The following SRPK2 variants were observed in gnomAD, a reference collection of about 807,000 sequenced individuals.
The protein encoded by SRPK2 is SRSF protein kinase 2.
SRPK2 carries 21 observed loss-of-function variants against 90.8 expected under a neutral mutation model. The ratio of observed to expected loss-of-function variants is 0.23; its 90% CI spans 0.16 to 0.33. The LOEUF is 0.33. SRPK2 is among the 10% of genes least tolerant of loss of function. The pLI is 1.00. For missense variants in SRPK2, 620 were observed against 869.0 expected, an observed-to-expected ratio of 0.71 and a Z score of 3.60; for synonymous variants, 288 against 311.1, an observed-to-expected ratio of 0.93 and a Z score of 0.78.
intron 2 of SRPK2, among the ~76,000 whole-genome samples, chr7:105,254,651 A>C (rs1452123631): frequency 6.6e-6 from 1 of 151,184 alleles, no homozygotes; most frequent in Non-Finnish European, 1.5e-5. Context: ...GTTATCGTTG[A>C]AGTACATCTG....
chr7:105,287,272 A>G (rs1427965021), intron 2 of SRPK2, among the ~76,000 whole-genome samples: 1 of 137,596 alleles, frequency 7.3e-6, no homozygotes. Context: ...AAAAAAAAAA[A>G]AAAAAAAAAA....
chr7:105,328,973 G>A (rs1813945979), intron 2 of SRPK2, among the ~76,000 whole-genome samples: 1 of 152,038 alleles, frequency 6.6e-6, no homozygotes, highest in South Asian at 2.1e-4. Context: ...CTGAGGCCAG[G>A]TGTTCAAGGC....
intron 2 of SRPK2, among the ~76,000 whole-genome samples, chr7:105,294,371 G>A (rs972788520): frequency 6.6e-6 from 1 of 152,070 alleles, no homozygotes; most frequent in Admixed American, 6.6e-5. Context: ...TGTCGATCCA[G>A]TTCCCTAAAC....
At chr7:105,253,774 G>A (rs1802815021) in intron 2 of SRPK2, among the ~76,000 whole-genome samples, 1 of 152,122 alleles carries the variant, frequency 6.6e-6, no homozygotes, top group Non-Finnish European at 1.5e-5. Flanking sequence ...ACAAAATTAA[G>A]TAGTAATTTT....
At chr7:105,380,936 T>G (rs1585986212) in intron 2 of SRPK2, among the ~76,000 whole-genome samples, 1 of 139,500 alleles carries the variant, frequency 7.2e-6, no homozygotes, top group Admixed American at 7.8e-5. Context: ...ACCATATTAC[T>G]TTTATTACTT....
intron 2 of SRPK2, among the ~76,000 whole-genome samples, chr7:105,271,992 A>G (rs1805893975): frequency 6.6e-6 from 1 of 152,242 alleles, no homozygotes; most frequent in African/African-American, 2.4e-5. Context: ...AATATGCTTT[A>G]TAATAGTATT....
chr7:105,129,875 G>A (rs1276960551), intron 13 of SRPK2, among the ~76,000 whole-genome samples: 1 of 152,108 alleles, frequency 6.6e-6, no homozygotes, highest in Non-Finnish European at 1.5e-5. Context: ...GTTCTGTAAT[G>A]TGACCAGTGC....
chr7:105,211,555 G>A (rs554619026), intron 2 of SRPK2, among the ~76,000 whole-genome samples: 39 of 152,212 alleles, frequency 2.6e-4, no homozygotes, highest in African/African-American at 9.4e-4. Flanking sequence ...GCAGTAACAG[G>A]AGTGAGAGTG....
intron 2 of SRPK2, among the ~76,000 whole-genome samples, chr7:105,326,089 T>C (rs894160371): frequency 4.6e-5 from 7 of 152,148 alleles, no homozygotes; most frequent in African/African-American, 1.7e-4. Flanking sequence ...CAGTAAAAAG[T>C]TTAAAAAGTC....
chr7:105,319,666 A>G (rs1812715600), intron 2 of SRPK2, among the ~76,000 whole-genome samples: 1 of 152,116 alleles, frequency 6.6e-6, no homozygotes, highest in African/African-American at 2.4e-5. Context: ...TAACAGGTAG[A>G]CAAGATTGAA....
intron 2 of SRPK2, chr7:105,306,787 G>A: frequency 1.5e-5 from 3 of 200,454 alleles, no homozygotes; most frequent in South Asian, 7.5e-5. Flanking sequence ...AGAATTAAAA[G>A]TAAAACACTA....
At chr7:105,324,003 GT>G (rs1813253434) in intron 2 of SRPK2, among the ~76,000 whole-genome samples, 1 of 134,376 alleles carries the variant, frequency 7.4e-6, no homozygotes, top group South Asian at 2.3e-4. Context: ...GTGTGTGTGT[GT>G]GTGTGTGTGT....
In SRPK2 at chr7:105,284,871, C is replaced by G. The variant is rs531590980; in HGVS notation, c.72-81086G>C. ...CTGGGTCTACTTTATTCCTGTCTTGCTGTTTGTGAGGTTTCCCACATAGGC... is the reference window on the plus strand; with the variant it reads ...CTGGGTCTACTTTATTCCTGTCTTGGTGTTTGTGAGGTTTCCCACATAGGC... On this transcript the variant is annotated intron_variant, in intron 2 of 15. Transcript: ENST00000393651. Among the ~76,000 whole-genome samples the G allele has an allele frequency of 1.2e-4, 19 of 152,338 alleles. 1 individual carries two copies. Among genetic ancestry groups the G allele is most frequent in the African/African-American group, 4.6e-4 (19 of 41,582 alleles).
chr7:105,235,918 G>A (rs1000704483), intron 2 of SRPK2, among the ~76,000 whole-genome samples: 5 of 152,156 alleles, frequency 3.3e-5, no homozygotes, highest in African/African-American at 1.2e-4. Context: ...GGGGAAAGGG[G>A]AATTCATTTA....
intron 1 of SRPK2, among the ~76,000 whole-genome samples, chr7:105,398,540 C>A (rs528909928): frequency 2.0e-5 from 3 of 152,104 alleles, no homozygotes; most frequent in African/African-American, 7.2e-5. Flanking sequence ...TATGCCACCA[C>A]GCCTAGCTAA....
At chr7:105,300,602 T>C (rs1286473146) in intron 2 of SRPK2, among the ~76,000 whole-genome samples, 1 of 152,200 alleles carries the variant, frequency 6.6e-6, no homozygotes, top group African/African-American at 2.4e-5. Context: ...AGAAAATTTT[T>C]GCAATCTACC....
chr7:105,313,245 A>G (rs1267986765), intron 2 of SRPK2, among the ~76,000 whole-genome samples: 2 of 151,642 alleles, frequency 1.3e-5, no homozygotes, highest in African/African-American at 4.8e-5. Flanking sequence ...CAGGAATTTG[A>G]GGCCAGCCAG....
intron 2 of SRPK2, among the ~76,000 whole-genome samples, chr7:105,293,446 C>CT (rs1208236176): frequency 8.1e-6 from 1 of 124,084 alleles, no homozygotes; most frequent in Admixed American, 7.7e-5. Context: ...ATATCATTTC[C>CT]TTTTTTGTGG....
At chr7:105,293,335 C>T (rs1355154081) in intron 2 of SRPK2, among the ~76,000 whole-genome samples, 1 of 151,848 alleles carries the variant, frequency 6.6e-6, no homozygotes, top group Non-Finnish European at 1.5e-5. Flanking sequence ...ATGGTTACAA[C>T]ACTAACTGTT....
Sources: gnomAD v4.1 joint callset for allele counts (sites outside exome capture counted in the v4.1 genomes callset) on GRCh38, gnomAD v4.1.1 for gene constraint, MANE v1.5 for transcripts, NCBI Gene and HGNC (gene_info 2026-07-23, HGNC 2026-07-21) for gene names.